COL13A1: variants seen among roughly 807,000 people sequenced by gnomAD.
COL13A1 encodes collagen alpha-1(XIII) chain.
Under a neutral mutation model 130.9 loss-of-function variants are expected in COL13A1, and 89 were observed. The ratio of observed to expected loss-of-function variants is 0.68; its 90% CI spans 0.57 to 0.81. COL13A1 has a LOEUF of 0.81. Ranked by LOEUF, COL13A1 falls within the 30% of genes least tolerant of loss-of-function variation. The pLI, the probability that COL13A1 is intolerant of heterozygous loss-of-function variation, is 0.00. For missense variants in COL13A1, 879 were observed against 934.6 expected, an observed-to-expected ratio of 0.94 and a Z score of 0.78; for synonymous variants, 402 against 341.6, an observed-to-expected ratio of 1.18 and a Z score of -1.95.
intron 1 of COL13A1, among the ~76,000 whole-genome samples, chr10:69,803,385 A>G (rs573074000): frequency 6.6e-6 from 1 of 152,354 alleles, no homozygotes; most frequent in African/African-American, 2.4e-5. Flanking sequence ...CAAGTAGATT[A>G]AACACTACTA....
At chr10:69,869,817 A>C (rs2058880499) in intron 3 of COL13A1, among the ~76,000 whole-genome samples, 1 of 152,254 alleles carries the variant, frequency 6.6e-6, no homozygotes, top group African/African-American at 2.4e-5. Context: ...TATGAGACTG[A>C]AAACAGATGA....
intron 10 of COL13A1, 119 bp from the exon 11 acceptor site, chr10:69,894,433 C>A: frequency 8.3e-7 from 1 of 1,199,208 alleles, no homozygotes; most frequent in South Asian, 1.4e-5. Context: ...ATGGGAAGAC[C>A]TGGCCATGGC....
intron 17 of COL13A1, among the ~76,000 whole-genome samples, chr10:69,910,810 G>C (rs557586361): frequency 6.6e-5 from 10 of 152,214 alleles, no homozygotes; most frequent in Non-Finnish European, 1.5e-4. Context: ...ATTGTGTGTG[G>C]ATCACAAAAC....
Position 69,958,716 on chromosome 10 carries a change from G to C in COL13A1, c.*15G>C. ...TTTTGCAGTGATGCCTCTAACCTTG[G>C]ATTGGCCTGTGTGTGTGTTTGTACA... On this transcript the variant is annotated 3_prime_UTR_variant, in exon 41 of 41. Coordinates refer to ENST00000645393, the MANE Select transcript of COL13A1 (RefSeq NM_001368882.1). The C allele has an allele frequency of 6.2e-7, 1 of 1,613,754 alleles. No homozygotes were observed. The highest frequency in any genetic ancestry group is 8.5e-7 in the Non-Finnish European group (1 of 1,179,816).
At position 69,944,901 on chromosome 10, in the gene COL13A1, G is replaced by A. The variant is rs373092905; in HGVS notation, c.1968+723G>A. 3.3e-5 allele frequency among the ~76,000 whole-genome samples: 5 copies of A among 152,256 alleles called. No homozygotes were observed. In the East Asian group the frequency reaches 9.7e-4, roughly 29 times the overall value. Reference sequence around the variant, plus strand: ...CCAGGTGGTGTTTAGATAATTCCTCGAGGACAGCAGGAAGTCAGGAGGCCA... The same window carrying A: ...CCAGGTGGTGTTTAGATAATTCCTCAAGGACAGCAGGAAGTCAGGAGGCCA... On this transcript the variant is annotated intron_variant, in intron 36 of 40. Transcript: ENST00000645393.
chr10:69,863,292 C>T (rs1013862728), intron 2 of COL13A1, among the ~76,000 whole-genome samples: 13 of 152,176 alleles, frequency 8.5e-5, no homozygotes, highest in Admixed American at 5.2e-4. Context: ...GAGCCAAATT[C>T]CCCCGAGCTG....
chr10:69,907,209 T>A (rs748338643), intron 17 of COL13A1, among the ~76,000 whole-genome samples: 1 of 152,214 alleles, frequency 6.6e-6, no homozygotes, highest in African/African-American at 2.4e-5. Context: ...CTAGGCACTA[T>A]CTTTCAACAG....
chr10:69,829,098 A>C (rs1346410876), intron 2 of COL13A1: 1 of 332,766 alleles, frequency 3.0e-6, no homozygotes, highest in East Asian at 1.7e-4. Flanking sequence ...AACATTCTCG[A>C]CCTCTCCCAG....
chr10:69,877,947 G>A, intron 5 of COL13A1, 92 bp from the exon 6 acceptor site: 2 of 685,368 alleles, frequency 2.9e-6, no homozygotes, highest in Admixed American at 4.1e-5. Flanking sequence ...CTATGAACAT[G>A]GATTCTCGTG....
At chr10:69,922,563 T>C (rs1265407488) in intron 22 of COL13A1, 145 bp from the exon 23 acceptor site, 1 of 531,572 alleles carries the variant, frequency 1.9e-6, no homozygotes, top group Non-Finnish European at 3.3e-6. Flanking sequence ...TCTCTTCAAA[T>C]CCCACAGCTG....
intron 39 of COL13A1, chr10:69,955,395 C>T (rs2136408049): frequency 6.5e-6 from 1 of 152,738 alleles, no homozygotes; most frequent in East Asian, 1.9e-4. Context: ...GCAGGGGCTC[C>T]CTTGAGCACT....
intron 5 of COL13A1, among the ~76,000 whole-genome samples, chr10:69,876,635 C>G (rs1436411490): frequency 6.6e-6 from 1 of 152,200 alleles, no homozygotes; most frequent in African/African-American, 2.4e-5. Context: ...CCCAAGCCGT[C>G]ACAGGCTCTG....
At chr10:69,829,235 G>C (rs529346391) in intron 2 of COL13A1, 34 of 985,296 alleles carry the variant, frequency 3.5e-5, no homozygotes, top group Non-Finnish European at 4.0e-5. Flanking sequence ...CCTTGTTCAG[G>C]GTGCTGCCAC....
At chr10:69,814,552 T>C (rs1843941396) in intron 1 of COL13A1, among the ~76,000 whole-genome samples, 1 of 152,234 alleles carries the variant, frequency 6.6e-6, no homozygotes, top group South Asian at 2.1e-4. Context: ...GTTTATTTTT[T>C]TGCCTCATCT....
chr10:69,879,115 G>A (rs1339157965), intron 6 of COL13A1, among the ~76,000 whole-genome samples: 2 of 152,194 alleles, frequency 1.3e-5, no homozygotes, highest in Non-Finnish European at 2.9e-5. Context: ...ATTTACACGA[G>A]GCACAGAGAG....
At chr10:69,901,643 C>T (rs539111225) in intron 14 of COL13A1, among the ~76,000 whole-genome samples, 4 of 152,336 alleles carry the variant, frequency 2.6e-5, no homozygotes, top group Admixed American at 2.0e-4. Flanking sequence ...ATGGGCCCCT[C>T]CTCACAAGAG....
At chr10:69,936,912 G>A in intron 33 of COL13A1, 130 bp downstream of exon 33, 1 of 999,142 alleles carries the variant, frequency 1.0e-6, no homozygotes, top group African/African-American at 1.6e-5. Flanking sequence ...TCCAGTCAGG[G>A]CAGGAGGAAG....
chr10:69,902,801 T>A lies in COL13A1; in HGVS notation c.804T>A (p.Pro268=). Residue 268 remains proline (P), a synonymous_variant, in exon 15 of 41, where the codon CCT becomes CCA. Coordinates refer to ENST00000645393, the MANE Select transcript of COL13A1 (RefSeq NM_001368882.1). ...IQGPPGPPGP[P]GPSGPLGHPG... ...GTCCACCAGGGCCCCCAGGCCCCCC[T>A]GGACCAAGTGGACCTCTGGGGCACC... 1 of 1,551,848 alleles carries A rather than the reference T, an allele frequency of 6.4e-7. No homozygotes were observed. Among genetic ancestry groups the A allele is most frequent in the Non-Finnish European group, 8.7e-7 (1 of 1,147,050 alleles).
At chr10:69,878,419 G>GA in intron 6 of COL13A1, among the ~76,000 whole-genome samples, 1 of 152,272 alleles carries the variant, frequency 6.6e-6, no homozygotes, top group South Asian at 2.1e-4. Flanking sequence ...TGGGAAGTCA[G>GA]AAATCCAGAA....
Sources: gnomAD v4.1 joint callset for allele counts (sites outside exome capture counted in the v4.1 genomes callset) on GRCh38, gnomAD v4.1.1 for gene constraint, MANE v1.5 for transcripts, NCBI Gene and HGNC (gene_info 2026-07-23, HGNC 2026-07-21) for gene names.